PGBD5: variants seen among roughly 807,000 people sequenced by gnomAD.
The protein encoded by PGBD5 is piggyBac transposable element derived 5.
Under a neutral mutation model 47.9 loss-of-function variants are expected in PGBD5, and 14 were observed. The observed-to-expected ratio is 0.29, with a 90% CI of 0.19 to 0.46. The LOEUF is 0.46. Ranked by LOEUF, PGBD5 falls within the 20% of genes least tolerant of loss-of-function variation. The probability of loss-of-function intolerance (pLI) is 1.00; values close to 1 mark genes in which losing one functional copy is unlikely to be tolerated. For missense variants in PGBD5, 635 were observed against 716.0 expected, an observed-to-expected ratio of 0.89 and a Z score of 1.29; for synonymous variants, 316 against 306.3, an observed-to-expected ratio of 1.03 and a Z score of -0.33.
At chr1:230,417,690 T>G (rs1317341194) in intron 1 of PGBD5, among the ~76,000 whole-genome samples, 1 of 152,220 alleles carries the variant, frequency 6.6e-6, no homozygotes, top group African/African-American at 2.4e-5. Context: ...CCAACCCAGC[T>G]GGAGGAAGTG....
At chr1:230,340,704 A>G (rs1275145396) in intron 3 of PGBD5, among the ~76,000 whole-genome samples, 2 of 152,110 alleles carry the variant, frequency 1.3e-5, no homozygotes, top group African/African-American at 2.4e-5. Context: ...GTTATTCATC[A>G]TCTCCATGCC....
chr1:230,381,990 T>C (rs945167992), intron 1 of PGBD5, among the ~76,000 whole-genome samples: 8 of 152,036 alleles, frequency 5.3e-5, no homozygotes, highest in Non-Finnish European at 1.2e-4. Flanking sequence ...AAAAATTGCT[T>C]CCTTCCTCTG....
intron 1 of PGBD5, among the ~76,000 whole-genome samples, chr1:230,417,379 T>G (rs1191046207): frequency 6.6e-6 from 1 of 152,160 alleles, no homozygotes; most frequent in Admixed American, 6.5e-5. Flanking sequence ...GGATCCAGGG[T>G]TTGCTACGTA....
intron 1 of PGBD5, among the ~76,000 whole-genome samples, chr1:230,406,315 A>C (rs955361328): frequency 6.6e-6 from 1 of 150,754 alleles, no homozygotes; most frequent in African/African-American, 2.4e-5. Flanking sequence ...CCGTCTCAAA[A>C]AAAAAAAAAA....
intron 1 of PGBD5, among the ~76,000 whole-genome samples, chr1:230,367,383 C>G (rs1366568889): frequency 6.6e-6 from 1 of 152,166 alleles, no homozygotes; most frequent in Non-Finnish European, 1.5e-5. Context: ...ACGTCACCAG[C>G]CATGTAGGGA....
intron 1 of PGBD5, among the ~76,000 whole-genome samples, chr1:230,387,898 T>C (rs1273778641): frequency 6.6e-6 from 1 of 152,048 alleles, no homozygotes; most frequent in South Asian, 2.1e-4. Flanking sequence ...TAGGGTTACA[T>C]AATTGGAGGG....
At chr1:230,388,719 G>T (rs1246895210) in intron 1 of PGBD5, among the ~76,000 whole-genome samples, 1 of 152,122 alleles carries the variant, frequency 6.6e-6, no homozygotes, top group Non-Finnish European at 1.5e-5. Flanking sequence ...CCGGCCTGTT[G>T]GCCACATTTT....
At chr1:230,368,070 G>A in intron 1 of PGBD5, 1 of 1,367,912 alleles carries the variant, frequency 7.3e-7, no homozygotes, top group Non-Finnish European at 9.8e-7. Context: ...GGTCTTTTTA[G>A]CTCTGTGGTT....
Position 230,355,803 on chromosome 1 carries a change from C to A in PGBD5, c.759+1091G>T, listed in dbSNP as rs557012006. Among the ~76,000 whole-genome samples the A allele has an allele frequency of 1.2e-3, 179 of 152,216 alleles. 1 individual carries two copies. The highest frequency in any genetic ancestry group is 4.1e-3 in the African/African-American group (169 of 41,516). The stretch of plus-strand genomic sequence containing the variant: ...GCGGCGTTCCAAGGGCCAGAAGGCA[C>A]GCTGCAAACACTTGGAAATCATAAC... On this transcript the variant is annotated intron_variant, in intron 2 of 6. Transcript: ENST00000391860.
intron 1 of PGBD5, among the ~76,000 whole-genome samples, chr1:230,400,032 C>T (rs557512876): frequency 2.9e-4 from 44 of 152,338 alleles, no homozygotes. Flanking sequence ...AAAAATCCAC[C>T]AAAGACTCCT....
At chr1:230,367,817 A>T in intron 1 of PGBD5, 1 of 1,107,176 alleles carries the variant, frequency 9.0e-7, no homozygotes, top group Non-Finnish European at 1.2e-6. Flanking sequence ...CATCATATCA[A>T]CCACTACAAA....
intron 2 of PGBD5, among the ~76,000 whole-genome samples, chr1:230,353,471 G>A (rs1667589135): frequency 6.6e-6 from 1 of 152,092 alleles, no homozygotes; most frequent in African/African-American, 2.4e-5. Context: ...CTACATTCTG[G>A]GAATCCTCTG....
At chr1:230,353,989 G>C (rs1391471878) in intron 2 of PGBD5, among the ~76,000 whole-genome samples, 1 of 152,208 alleles carries the variant, frequency 6.6e-6, no homozygotes, top group Non-Finnish European at 1.5e-5. Context: ...GCAACCCAGG[G>C]AACAGCAAGG....
Position 230,314,789 on chromosome 1 carries a change from A to C in PGBD5, c.*8636T>G, listed in dbSNP as rs1666911840. On this transcript the variant is annotated 3_prime_UTR_variant, in exon 7 of 7. Transcript: ENST00000391860. ...TGATATCTGTGCAGTTTGTGATAAA[A>C]TTAAAAATTTTCTGTGAAAGATTCT... 6.6e-6 allele frequency: 1 copy of C among 152,164 alleles called. No individual in the cohort carries two copies. The highest frequency in any genetic ancestry group is 2.4e-5 in the African/African-American group (1 of 41,434). 9.4% of individuals were successfully genotyped at this position (152,164 alleles called of 1,614,324 possible).
At chr1:230,329,895 G>C (rs1041050906) in intron 5 of PGBD5, among the ~76,000 whole-genome samples, 1 of 152,196 alleles carries the variant, frequency 6.6e-6, no homozygotes, top group Non-Finnish European at 1.5e-5. Context: ...TACTTATCTG[G>C]CCTTGGGACA....
At chr1:230,350,848 G>A (rs1227412714) in intron 3 of PGBD5, 110 bp downstream of exon 3, 3 of 1,459,326 alleles carry the variant, frequency 2.1e-6, no homozygotes, top group East Asian at 4.7e-5. Flanking sequence ...TGGACCCACA[G>A]TGAAAAGGGT....
chr1:230,337,581 CA>C (rs1667347177), intron 3 of PGBD5, among the ~76,000 whole-genome samples: 1 of 152,174 alleles, frequency 6.6e-6, no homozygotes, highest in African/African-American at 2.4e-5. Context: ...CCCCGGCTTT[CA>C]AACACAGGAA....
intron 5 of PGBD5, 89 bp downstream of exon 5, chr1:230,332,755 T>C: frequency 2.0e-6 from 3 of 1,471,362 alleles, no homozygotes; most frequent in Non-Finnish European, 1.9e-6. Context: ...CAGCCCACAG[T>C]GGACGCCACA....
At chr1:230,423,963 A>G (rs574256157) in intron 1 of PGBD5, among the ~76,000 whole-genome samples, 18 of 152,302 alleles carry the variant, frequency 1.2e-4, no homozygotes, top group Middle Eastern at 3.4e-3. Flanking sequence ...CAAGGTTACT[A>G]AGAAATATAA....
Sources: allele counts gnomAD v4.1 joint callset (sites outside exome capture counted in the v4.1 genomes callset), GRCh38; gene constraint gnomAD v4.1.1; transcripts MANE v1.5; gene names NCBI Gene and HGNC (gene_info 2026-07-23, HGNC 2026-07-21).